Variants in LYPD6B observed in about 807,000 individuals in gnomAD.
LYPD6B encodes LY6/PLAUR domain containing 6B.
LYPD6B carries 17 observed loss-of-function variants against 22.8 expected under a neutral mutation model. The ratio of observed to expected loss-of-function variants is 0.75; its 90% CI spans 0.51 to 1.12. The LOEUF is 1.12. LYPD6B is among the 50% of genes most tolerant of loss of function. The probability of loss-of-function intolerance (pLI) is 0.00; values close to 1 mark genes in which losing one functional copy is unlikely to be tolerated. For synonymous variants in LYPD6B, 106 were observed against 91.6 expected (o/e 1.16, Z -0.90); for missense variants, 221 against 258.3 (o/e 0.86, Z 0.99).
At chr2:149,074,740 A>G (rs763521961) in intron 1 of LYPD6B, among the ~76,000 whole-genome samples, 97 of 152,364 alleles carry the variant, frequency 6.4e-4, no homozygotes, top group Non-Finnish European at 1.1e-3. Context: ...CTTTCCTGGG[A>G]AAAGGATTAA....
rs936499466 is a variant in LYPD6B, at chr2:149,205,309, C to A, written c.134C>A (p.Ala45Asp). Reference sequence around the variant, plus strand: ...GTCAGCATGCTGCTCCTCTGTCACGCTCTCGCTATAGCTGTTGTCCAGATC... The same window carrying A: ...GTCAGCATGCTGCTCCTCTGTCACGATCTCGCTATAGCTGTTGTCCAGATC... Reference protein sequence around the residue: ...HKVSMLLLCHALAIAVVQIVI... With the variant: ...HKVSMLLLCHDLAIAVVQIVI... The change falls in exon 4 of 7, where the codon GCT (alanine) becomes GAT (aspartate). Residue 45 changes from alanine to aspartate, a missense_variant. By Grantham distance (126) the Ala-to-Asp change is moderately radical (BLOSUM62 -2). Coordinates refer to ENST00000409642, the MANE Select transcript of LYPD6B (RefSeq NM_177964.5). 1 of 1,613,856 alleles carries A rather than the reference C, an allele frequency of 6.2e-7. No individual in the cohort carries two copies. The highest frequency in any genetic ancestry group is 1.3e-5 in the African/African-American group (1 of 74,924).
intron 3 of LYPD6B, among the ~76,000 whole-genome samples, chr2:149,171,808 G>T (rs1404366133): frequency 2.0e-5 from 3 of 152,160 alleles, no homozygotes; most frequent in Non-Finnish European, 4.4e-5. Context: ...AATTTGCTCT[G>T]TGATTTCTTT....
At chr2:149,043,730 C>CT (rs1184796210) in intron 1 of LYPD6B, among the ~76,000 whole-genome samples, 1 of 152,036 alleles carries the variant, frequency 6.6e-6, no homozygotes, top group African/African-American at 2.4e-5. Flanking sequence ...TTGAACATTT[C>CT]TATTTTCTTC....
intron 2 of LYPD6B, among the ~76,000 whole-genome samples, chr2:149,160,008 G>C (rs1689953743): frequency 6.6e-6 from 1 of 151,362 alleles, no homozygotes; most frequent in South Asian, 2.1e-4. Flanking sequence ...TATCACATTA[G>C]TCAGGTGTGG....
At chr2:149,167,203 A>C (rs1345737545) in intron 3 of LYPD6B, among the ~76,000 whole-genome samples, 1 of 152,098 alleles carries the variant, frequency 6.6e-6, no homozygotes, top group Non-Finnish European at 1.5e-5. Flanking sequence ...ACAGTATTTT[A>C]CTGTTGGCTG....
intron 5 of LYPD6B, among the ~76,000 whole-genome samples, chr2:149,212,401 AAAAG>A (rs1440885312): frequency 2.0e-5 from 3 of 150,420 alleles, no homozygotes; most frequent in Admixed American, 6.6e-5. Flanking sequence ...AAAAAAAAAA[AAAAG>A]AAATTATTAG....
intron 2 of LYPD6B, among the ~76,000 whole-genome samples, chr2:149,132,867 C>A (rs1300614960): frequency 6.6e-6 from 1 of 152,182 alleles, no homozygotes; most frequent in African/African-American, 2.4e-5. Flanking sequence ...TTTCTGAGAA[C>A]TGATGCTATT....
Position 149,205,296 on chromosome 2 carries a change from C to T in LYPD6B, c.121C>T (p.Leu41Phe). Residue 41 changes from leucine (L) to phenylalanine (F), a missense_variant, in exon 4 of 7, where the codon CTC becomes TTC. Transcript: ENST00000409642. ...DRPAHKVSML[L>F]LCHALAIAVV... ...CCCAGCACACAAGGTCAGCATGCTG[C>T]TCCTCTGTCACGCTCTCGCTATAGC... is the stretch of plus-strand genomic sequence containing the variant. 3.1e-6 allele frequency: 5 copies of T among 1,613,932 alleles called. No homozygotes were observed. Among genetic ancestry groups the T allele is most frequent in the Non-Finnish European group, 4.2e-6 (5 of 1,179,832 alleles).
At chr2:149,097,015 A>G (rs1401002556) in intron 1 of LYPD6B, among the ~76,000 whole-genome samples, 1 of 152,220 alleles carries the variant, frequency 6.6e-6, no homozygotes, top group East Asian at 1.9e-4. Context: ...ATGCTTGCCT[A>G]TTTCAGTTTC....
At chr2:149,098,827 G>A (rs528572450) in intron 1 of LYPD6B, among the ~76,000 whole-genome samples, 2 of 149,580 alleles carry the variant, frequency 1.3e-5, no homozygotes, top group African/African-American at 4.9e-5. Flanking sequence ...GCATGATGAC[G>A]GGACTTTGAT....
intron 3 of LYPD6B, among the ~76,000 whole-genome samples, chr2:149,194,105 T>G (rs973923652): frequency 6.6e-6 from 1 of 152,232 alleles, no homozygotes; most frequent in African/African-American, 2.4e-5. Context: ...TAAAATATTC[T>G]TCAGCTAGCT....
At chr2:149,154,917 A>G (rs1194774181) in intron 2 of LYPD6B, among the ~76,000 whole-genome samples, 1 of 152,224 alleles carries the variant, frequency 6.6e-6, no homozygotes, top group East Asian at 1.9e-4. Context: ...AATTGAAACA[A>G]AACCATTTAG....
At chr2:149,043,867 C>T (rs1242926957) in intron 1 of LYPD6B, among the ~76,000 whole-genome samples, 1 of 152,068 alleles carries the variant, frequency 6.6e-6, no homozygotes, top group Non-Finnish European at 1.5e-5. Flanking sequence ...AATGTTCCAG[C>T]ACCATTTGTT....
chr2:149,204,635 G>A (rs1290360044), intron 3 of LYPD6B: 1 of 154,340 alleles, frequency 6.5e-6, no homozygotes, highest in East Asian at 1.9e-4. Flanking sequence ...TTGTGCCCAG[G>A]GTGACAGAAA....
At chr2:149,099,251 A>T (rs1686073658) in intron 1 of LYPD6B, among the ~76,000 whole-genome samples, 1 of 152,192 alleles carries the variant, frequency 6.6e-6, no homozygotes, top group Non-Finnish European at 1.5e-5. Context: ...CAACTAAAAA[A>T]ATTATATGTT....
intron 1 of LYPD6B, among the ~76,000 whole-genome samples, chr2:149,083,437 G>A (rs757848994): frequency 6.6e-6 from 1 of 151,982 alleles, no homozygotes; most frequent in Non-Finnish European, 1.5e-5. Flanking sequence ...TCCAACACTG[G>A]GATAAAATCA....
intron 3 of LYPD6B, among the ~76,000 whole-genome samples, chr2:149,172,764 AAGGCAGAGG>A (rs2105936119): frequency 6.6e-6 from 1 of 152,144 alleles, no homozygotes; most frequent in South Asian, 2.1e-4. Flanking sequence ...ACAGAACGAA[AAGGCAGAGG>A]AGGATTGAAT....
chr2:149,122,408 T>A (rs1475212518), intron 1 of LYPD6B, among the ~76,000 whole-genome samples: 1 of 151,974 alleles, frequency 6.6e-6, no homozygotes, highest in Non-Finnish European at 1.5e-5. Flanking sequence ...TTAAAAATTA[T>A]TATTTTTTCT....
At chr2:149,173,349 C>CTTTTT (rs67113716) in intron 3 of LYPD6B, among the ~76,000 whole-genome samples, 1,797 of 58,410 alleles carry the variant, frequency 0.031, 174 homozygotes, top group East Asian at 0.037. Flanking sequence ...TCTGTCAGGC[C>CTTTTT]TTTTTTTTTT....
Sources: gnomAD v4.1 joint callset for allele counts (sites outside exome capture counted in the v4.1 genomes callset) on GRCh38, gnomAD v4.1.1 for gene constraint, MANE v1.5 for transcripts, NCBI Gene and HGNC (gene_info 2026-07-23, HGNC 2026-07-21) for gene names.